Variants in RNF145 observed in about 807,000 individuals in gnomAD.
The protein encoded by RNF145 is ring finger protein 145.
In RNF145, 12 loss-of-function variants were observed where a neutral mutation model predicts 57.3. The observed-to-expected ratio is 0.21, with a 90% CI of 0.13 to 0.34. The LOEUF is 0.34. RNF145 is among the 10% of genes least tolerant of loss of function. The pLI, the probability that RNF145 is intolerant of heterozygous loss-of-function variation, is 1.00. For synonymous variants in RNF145, 262 were observed against 288.3 expected, an observed-to-expected ratio of 0.91 and a Z score of 0.92; for missense variants, 429 against 799.0, an observed-to-expected ratio of 0.54 and a Z score of 5.58.
In RNF145 at chr5:159,199,054, C is replaced by T. The variant is rs188436191; in HGVS notation, c.185-4230G>A. ...CTGGGAATACTGAGATAATAAACAA[C>T]CCCCTTCTTACCTTAAAGGAGCTCA... On this transcript the variant is annotated intron_variant, in intron 2 of 10. Coordinates refer to ENST00000424310, the MANE Select transcript of RNF145 (RefSeq NM_001199383.2). Among the ~76,000 whole-genome samples, 9 of 152,254 alleles carry T rather than the reference C, an allele frequency of 5.9e-5. No individual in the cohort carries two copies. In the East Asian group the frequency reaches 1.7e-3, roughly 29 times the overall value.
At chr5:159,159,085 C>A in intron 10 of RNF145, 50 bp from the exon 11 acceptor site, 1 of 1,529,864 alleles carries the variant, frequency 6.5e-7, no homozygotes, top group Non-Finnish European at 8.8e-7. Context: ...TTTCTAGTAT[C>A]TTTGGTGCTA....
chr5:159,174,377 C>A (rs558775980), intron 5 of RNF145, among the ~76,000 whole-genome samples: 3 of 152,120 alleles, frequency 2.0e-5, no homozygotes, highest in African/African-American at 7.2e-5. Context: ...ACACACTTAT[C>A]TAATAGCACA....
At chr5:159,179,264 T>C (rs543361857) in intron 4 of RNF145, among the ~76,000 whole-genome samples, 1 of 152,176 alleles carries the variant, frequency 6.6e-6, no homozygotes, top group East Asian at 1.9e-4. Context: ...AGGAGTCATA[T>C]TGTTAGTGGA....
chr5:159,206,538 A>G (rs1441702018), intron 1 of RNF145, among the ~76,000 whole-genome samples: 2 of 152,148 alleles, frequency 1.3e-5, no homozygotes, highest in African/African-American at 4.8e-5. Flanking sequence ...GCAATTACTC[A>G]CACCTGCCAA....
chr5:159,158,462 T>G lies in RNF145; in HGVS notation c.*208A>C, dbSNP rs1233488761. ...TCAGCAGAGAACATATAAATACATT[T>G]TGATTAGCATACATTGCAAAATTTC... On this transcript the variant is annotated 3_prime_UTR_variant, in exon 11 of 11. Coordinates refer to ENST00000424310, the MANE Select transcript of RNF145 (RefSeq NM_001199383.2). 1 of 594,092 alleles carries G rather than the reference T, an allele frequency of 1.7e-6. No individual in the cohort carries two copies. The highest frequency in any genetic ancestry group is 2.8e-5 in the East Asian group (1 of 35,248). 36.8% of individuals were successfully genotyped at this position (594,092 alleles called of 1,614,324 possible).
In RNF145 at chr5:159,158,074, T is replaced by C. The variant is rs1562041925; in HGVS notation, c.*596A>G. The C allele has an allele frequency of 7.2e-6, 1 of 139,176 alleles. No homozygotes were observed. The highest frequency in any genetic ancestry group is 1.6e-5 in the Non-Finnish European group (1 of 64,220). 8.6% of individuals were successfully genotyped at this position (139,176 alleles called of 1,614,324 possible). On this transcript the variant is annotated 3_prime_UTR_variant, in exon 11 of 11. Transcript: ENST00000424310. ...CCACCCACCCCTTCCCTAAAGCACA[T>C]ACAAAGTATGAGCGTGCTTCAATCT...
intron 4 of RNF145, among the ~76,000 whole-genome samples, chr5:159,178,906 C>T (rs926038919): frequency 3.9e-5 from 6 of 151,922 alleles, no homozygotes; most frequent in South Asian, 2.1e-4. Flanking sequence ...TAAACACATA[C>T]GGTATTTTAT....
intron 10 of RNF145, among the ~76,000 whole-genome samples, chr5:159,160,906 T>C (rs1784193708): frequency 6.6e-6 from 1 of 152,174 alleles, no homozygotes; most frequent in Non-Finnish European, 1.5e-5. Flanking sequence ...AGTCAGAATT[T>C]TGGCACACCA....
intron 1 of RNF145, among the ~76,000 whole-genome samples, chr5:159,204,427 A>C (rs1785791963): frequency 6.6e-6 from 1 of 152,144 alleles, no homozygotes; most frequent in Non-Finnish European, 1.5e-5. Context: ...GGCAGTTATC[A>C]GGACAATTTA....
At chr5:159,203,071 T>C (rs1289616733) in intron 2 of RNF145, among the ~76,000 whole-genome samples, 1 of 152,186 alleles carries the variant, frequency 6.6e-6, no homozygotes, top group African/African-American at 2.4e-5. Context: ...GAATGTTGCA[T>C]TTTAAAAAGC....
rs145917062 is a variant in RNF145 at position 159,185,504 on chromosome 5, T to C, written c.294-3453A>G. Among the ~76,000 whole-genome samples the C allele has an allele frequency of 2.8e-3, 432 of 152,302 alleles. 3 individuals carry two copies. The highest frequency in any genetic ancestry group is 9.4e-3 in the African/African-American group (389 of 41,570). ...GGTAAATCAGTCCTAACAGGGATGG[T>C]CATTCACAACATAAGAAAAACAAGA... On this transcript the variant is annotated intron_variant, in intron 3 of 10. Coordinates refer to ENST00000424310, the MANE Select transcript of RNF145 (RefSeq NM_001199383.2).
intron 9 of RNF145, among the ~76,000 whole-genome samples, chr5:159,162,263 A>G (rs547352956): frequency 1.3e-5 from 2 of 152,294 alleles, no homozygotes; most frequent in South Asian, 4.1e-4. Flanking sequence ...CACTCCAAAT[A>G]AGCTCTAACA....
At chr5:159,181,482 T>G (rs1784891676) in intron 4 of RNF145, among the ~76,000 whole-genome samples, 1 of 152,186 alleles carries the variant, frequency 6.6e-6, no homozygotes, top group Non-Finnish European at 1.5e-5. Flanking sequence ...TACTTCACTT[T>G]AAATTGTATC....
In RNF145 at chr5:159,194,919, G is replaced by C. The variant is rs925286398; in HGVS notation, c.185-95C>G. The C allele has an allele frequency of 4.9e-5, 42 of 858,094 alleles. No individual in the cohort carries two copies. The East Asian group carries it at 1.2e-3, about 24-fold the overall frequency. The allele number at this position is 858,094 out of a possible 1,614,324, so 53.2% of individuals were successfully genotyped here. A position where few individuals can be genotyped will look rare whatever the true frequency, so the allele number is the denominator to read the frequency against. Reference sequence around the variant, plus strand: ...CTTGAGACAAATAATTTTCCAAATAGGTTTCAGTACTTTCTGAGGTTTTTT... The same window carrying C: ...CTTGAGACAAATAATTTTCCAAATACGTTTCAGTACTTTCTGAGGTTTTTT... On this transcript the variant is annotated intron_variant, in intron 2 of 10. Coordinates refer to ENST00000424310, the MANE Select transcript of RNF145 (RefSeq NM_001199383.2).
At chr5:159,208,153 G>A in intron 1 of RNF145, 1 of 1,416,148 alleles carries the variant, frequency 7.1e-7, no homozygotes, top group South Asian at 1.5e-5. Context: ...GATCTCAGAT[G>A]CGTTTGAACT....
chr5:159,160,285 C>A (rs1000926330), intron 10 of RNF145, among the ~76,000 whole-genome samples: 3 of 152,130 alleles, frequency 2.0e-5, no homozygotes, highest in African/African-American at 7.2e-5. Flanking sequence ...AAATGCAAAA[C>A]CGCCTGGAGA....
chr5:159,205,292 T>G (rs540099438), intron 1 of RNF145, among the ~76,000 whole-genome samples: 1 of 152,354 alleles, frequency 6.6e-6, no homozygotes, highest in South Asian at 2.1e-4. Flanking sequence ...GAAAAAATAT[T>G]ATTGTGAAAA....
At chr5:159,207,378 G>A (rs1785929092) in intron 1 of RNF145, 3 of 754,908 alleles carry the variant, frequency 4.0e-6, no homozygotes, top group Non-Finnish European at 4.1e-6. Flanking sequence ...AAAAGACAAA[G>A]AAAAAACAAG....
chr5:159,194,644 G>A (rs760363380), intron 3 of RNF145, 72 bp downstream of exon 3: 648 of 991,746 alleles, frequency 6.5e-4, no homozygotes, highest in Non-Finnish European at 9.2e-4. Context: ...CAGTGTTCAT[G>A]AAAAGTATTT....
Sources: gnomAD v4.1 joint callset for allele counts (sites outside exome capture counted in the v4.1 genomes callset) on GRCh38, gnomAD v4.1.1 for gene constraint, MANE v1.5 for transcripts, NCBI Gene and HGNC (gene_info 2026-07-23, HGNC 2026-07-21) for gene names.